The following PHKA1 variants were observed in gnomAD, a reference collection of about 807,000 sequenced individuals.
The protein encoded by PHKA1 is phosphorylase kinase regulatory subunit alpha 1.
PHKA1 carries 60 observed loss-of-function variants against 110.2 expected under a neutral mutation model. The observed-to-expected ratio is 0.54, with a 90% CI of 0.44 to 0.68. PHKA1 has a LOEUF of 0.68. PHKA1 is among the 30% of genes least tolerant of loss of function. PHKA1 has a pLI of 0.00. For missense variants in PHKA1, 801 were observed against 942.5 expected, an observed-to-expected ratio of 0.85 and a Z score of 1.97; for synonymous variants, 316 against 333.6, an observed-to-expected ratio of 0.95 and a Z score of 0.58.
chrX:72,589,737 A>T (rs2052489138), intron 29 of PHKA1, among the ~76,000 whole-genome samples: 1 of 107,457 alleles, frequency 9.3e-6, no homozygotes, highest in Non-Finnish European at 1.9e-5. Flanking sequence ...AAGTCTCAGG[A>T]TACAAAATCA....
chrX:72,618,232 T>G, intron 21 of PHKA1, among the ~76,000 whole-genome samples: 1 of 111,787 alleles, frequency 8.9e-6, no homozygotes, highest in Non-Finnish European at 1.9e-5. Context: ...TGTAAGCTTG[T>G]GGGGTTTAGG....
At chrX:72,636,516 C>T (rs1001336523) in intron 14 of PHKA1, 130 bp from the exon 15 acceptor site, 29 of 481,560 alleles carry the variant, frequency 6.0e-5, no homozygotes, top group Non-Finnish European at 9.7e-5. Context: ...CACACACATC[C>T]ACTGTATTTC....
In PHKA1 at chrX:72,593,309, G is replaced by A. The variant is rs377640100; in HGVS notation, c.3073-35C>T. On this transcript the variant is annotated intron_variant, in intron 28 of 31. Coordinates refer to ENST00000373542, the MANE Select transcript of PHKA1 (RefSeq NM_002637.4). ...GGAGAGGAAAGAACATAAATCAAAA[G>A]TTATCTCTGTTTCTATGATGAAGTC... 1.1e-3 allele frequency: 1,115 copies of A among 1,043,543 alleles called. 5 individuals carry two copies. Among genetic ancestry groups the A allele is most frequent in the Non-Finnish European group, 4.8e-4 (362 of 750,200 alleles). 86.0% of individuals were successfully genotyped at this position (1,043,543 alleles called of 1,213,427 possible).
intron 3 of PHKA1, among the ~76,000 whole-genome samples, chrX:72,704,396 T>G (rs781948362): frequency 1.8e-5 from 2 of 111,690 alleles, no homozygotes; most frequent in Non-Finnish European, 3.8e-5. Context: ...TTTCTGATTA[T>G]AGAGTGCTGT....
At chrX:72,713,306 C>T (rs1556335575) in intron 1 of PHKA1, among the ~76,000 whole-genome samples, 1 of 110,753 alleles carries the variant, frequency 9.0e-6, no homozygotes. Flanking sequence ...TTCAAGTATA[C>T]AGTACAGTAT....
intron 8 of PHKA1, among the ~76,000 whole-genome samples, chrX:72,658,154 CA>C (rs1423396876): frequency 2.7e-5 from 3 of 111,725 alleles, no homozygotes; most frequent in Non-Finnish European, 5.6e-5. Flanking sequence ...AGAAATCTGC[CA>C]AAACTAAAAA....
chrX:72,644,310 C>A (rs782361527), intron 14 of PHKA1, 52 bp downstream of exon 14: 47 of 1,163,795 alleles, frequency 4.0e-5, no homozygotes, highest in African/African-American at 8.9e-5. Context: ...GGATGGAAAC[C>A]AGCCTATAAT....
chrX:72,646,857 G>A lies in PHKA1; in HGVS notation c.1325-2361C>T, dbSNP rs782399365. 3.6e-5 allele frequency among the ~76,000 whole-genome samples: 4 copies of A among 111,373 alleles called. No homozygotes were observed. The South Asian group carries it at 1.5e-3, about 42-fold the overall frequency. ...CTAAAAAGTTACTACAGGGCCAGGC[G>A]CTGTGGCTTACACCTGTAATCACAG... On this transcript the variant is annotated intron_variant, in intron 13 of 31. Transcript: ENST00000373542.
intron 7 of PHKA1, 135 bp downstream of exon 7, chrX:72,667,240 T>C (rs1262866610): frequency 9.6e-6 from 5 of 522,414 alleles, no homozygotes; most frequent in Non-Finnish European, 1.7e-5. Context: ...GCTTGTTAAA[T>C]ATATTTTTGG....
intron 5 of PHKA1, among the ~76,000 whole-genome samples, chrX:72,679,647 G>A (rs2053820438): frequency 9.0e-6 from 1 of 111,036 alleles, no homozygotes; most frequent in Non-Finnish European, 1.9e-5. Flanking sequence ...TATCTGACCT[G>A]AAAAATACAT....
intron 8 of PHKA1, among the ~76,000 whole-genome samples, chrX:72,659,894 C>T (rs1556303310): frequency 8.9e-6 from 1 of 112,220 alleles, no homozygotes; most frequent in African/African-American, 3.2e-5. Context: ...TATGTAAATA[C>T]ACCATGGTTG....
Position 72,603,239 on chromosome X carries a change from A to G in PHKA1, c.2816-19T>C. 9.6e-7 allele frequency: 1 copy of G among 1,041,187 alleles called. No homozygotes were observed. Among genetic ancestry groups the G allele is most frequent in the Non-Finnish European group, 1.3e-6 (1 of 742,286 alleles). 85.8% of individuals were successfully genotyped at this position (1,041,187 alleles called of 1,213,427 possible). On this transcript the variant is annotated intron_variant, in intron 25 of 31. Coordinates refer to ENST00000373542, the MANE Select transcript of PHKA1 (RefSeq NM_002637.4). ...TCCTCAGCTAGTCAGCAGAAATGTT[A>G]GAACAGAAGGACTTCTAATTTGCCT...
chrX:72,700,870 C>A (rs1283368300), intron 3 of PHKA1, among the ~76,000 whole-genome samples: 3 of 111,731 alleles, frequency 2.7e-5, no homozygotes, highest in African/African-American at 9.7e-5. Flanking sequence ...GAAATAACTG[C>A]ATGGACTGAA....
chrX:72,583,564 C>T (rs2052368808), intron 30 of PHKA1, among the ~76,000 whole-genome samples: 1 of 111,959 alleles, frequency 8.9e-6, no homozygotes, highest in African/African-American at 3.2e-5. Context: ...CTATCTGAAA[C>T]AACCCCAGCA....
In PHKA1 at chrX:72,667,481, G is replaced by A; in HGVS notation, c.619-8C>T. On this transcript the variant is annotated splice_region_variant and splice_polypyrimidine_tract_variant and intron_variant, in intron 6 of 31. Coordinates refer to ENST00000373542, the MANE Select transcript of PHKA1 (RefSeq NM_002637.4). ...TAATGCTTCCAGGGCTGCCTGTGAG[G>A]AACAAGAAAGAAATGGACAAGTTTA... 1 of 1,164,095 alleles carries A rather than the reference G, an allele frequency of 8.6e-7. No individual in the cohort carries two copies. The highest frequency in any genetic ancestry group is 1.8e-5 in the African/African-American group (1 of 56,980).
chrX:72,586,922 T>C (rs782146136), intron 29 of PHKA1, among the ~76,000 whole-genome samples: 1 of 110,407 alleles, frequency 9.1e-6, no homozygotes, highest in East Asian at 2.9e-4. Flanking sequence ...CCAAGAAATA[T>C]GGGACTATGT....
chrX:72,649,006 G>A (rs1295411830), intron 13 of PHKA1, among the ~76,000 whole-genome samples: 2 of 111,801 alleles, frequency 1.8e-5, no homozygotes, highest in Non-Finnish European at 3.8e-5. Context: ...GAGGAAGGCT[G>A]TAGCCAGGCC....
intron 29 of PHKA1, among the ~76,000 whole-genome samples, chrX:72,586,648 T>C (rs1311028581): frequency 2.7e-5 from 3 of 110,829 alleles, no homozygotes; most frequent in African/African-American, 9.9e-5. Flanking sequence ...TAAAGGAGGA[T>C]GTTTGAACCC....
intron 6 of PHKA1, among the ~76,000 whole-genome samples, chrX:72,672,556 CATTAATCCATGAATTG>C (rs1273288134): frequency 9.0e-6 from 1 of 111,374 alleles, no homozygotes; most frequent in Non-Finnish European, 1.9e-5. Context: ...CTCACTAATC[CATTAATCCATGAATTG>C]ATTAATGCAT....
Sources: allele counts gnomAD v4.1 joint callset (sites outside exome capture counted in the v4.1 genomes callset), GRCh38; gene constraint gnomAD v4.1.1; transcripts MANE v1.5; gene names NCBI Gene and HGNC (gene_info 2026-07-23, HGNC 2026-07-21).